Variants in FAM81A observed in about 807,000 individuals in gnomAD.
The protein encoded by FAM81A is family with sequence similarity 81 member A.
A neutral mutation model predicts 46.7 loss-of-function variants in FAM81A; 19 were observed. The observed-to-expected ratio is 0.41, with a 90% confidence interval of 0.28 to 0.60. FAM81A has a LOEUF of 0.60. Ranked by LOEUF, FAM81A falls within the 20% of genes least tolerant of loss-of-function variation. The pLI, the probability that FAM81A is intolerant of heterozygous loss-of-function variation, is 0.34. For missense variants in FAM81A, 377 were observed against 453.5 expected (o/e 0.83, Z 1.53); for synonymous variants, 183 against 152.9 (o/e 1.20, Z -1.45).
intron 2 of FAM81A, among the ~76,000 whole-genome samples, chr15:59,408,673 A>C (rs2081107167): frequency 6.6e-6 from 1 of 152,098 alleles, no homozygotes; most frequent in Admixed American, 6.6e-5. Context: ...CTAAAAATAC[A>C]AAAAAATGAG....
At chr15:59,408,642 C>A (rs1376205812) in intron 2 of FAM81A, among the ~76,000 whole-genome samples, 1 of 152,130 alleles carries the variant, frequency 6.6e-6, no homozygotes, top group Non-Finnish European at 1.5e-5. Flanking sequence ...TCCTGGCTAA[C>A]ACAGTGAAAA....
At chr15:59,466,684 T>C (rs1255161234) in intron 3 of FAM81A, among the ~76,000 whole-genome samples, 1 of 152,250 alleles carries the variant, frequency 6.6e-6, no homozygotes, top group Non-Finnish European at 1.5e-5. Flanking sequence ...GTAGTTTCTT[T>C]TGCTGTGCAG....
intron 1 of FAM81A, among the ~76,000 whole-genome samples, chr15:59,399,748 A>T (rs573978571): frequency 6.6e-6 from 1 of 152,202 alleles, no homozygotes; most frequent in African/African-American, 2.4e-5. Flanking sequence ...TTCTCAGGTA[A>T]TGTTCCCAGA....
At chr15:59,488,779 C>G (rs2081949369) in intron 3 of FAM81A, among the ~76,000 whole-genome samples, 1 of 150,144 alleles carries the variant, frequency 6.7e-6, no homozygotes, top group Non-Finnish European at 1.5e-5. Flanking sequence ...GAATTTGAGA[C>G]CAGCCTGGGT....
At chr15:59,406,892 T>C (rs1403449297) in intron 2 of FAM81A, 1 of 152,108 alleles carries the variant, frequency 6.6e-6, no homozygotes, top group Admixed American at 6.6e-5. Context: ...AAAGTTTTTT[T>C]TTTTTTTTTT....
intron 2 of FAM81A, among the ~76,000 whole-genome samples, chr15:59,431,911 C>T (rs1173642200): frequency 5.3e-5 from 8 of 152,196 alleles, no homozygotes; most frequent in Non-Finnish European, 2.9e-5. Context: ...GCAACCCTTT[C>T]ACATTGCCTT....
intron 2 of FAM81A, among the ~76,000 whole-genome samples, chr15:59,423,121 G>A (rs760149611): frequency 2.6e-5 from 4 of 151,810 alleles, no homozygotes; most frequent in Non-Finnish European, 4.4e-5. Context: ...TTTTTAAGAC[G>A]GAGTCTCGCA....
intron 3 of FAM81A, among the ~76,000 whole-genome samples, chr15:59,490,551 G>T (rs2081969794): frequency 6.6e-6 from 1 of 152,156 alleles, no homozygotes; most frequent in African/African-American, 2.4e-5. Context: ...TGAGATATTG[G>T]CTGAGTGCAG....
intron 2 of FAM81A, among the ~76,000 whole-genome samples, chr15:59,430,316 G>A (rs2081214393): frequency 7.5e-6 from 1 of 134,200 alleles, no homozygotes; most frequent in East Asian, 2.3e-4. Flanking sequence ...CCAAGCTGGA[G>A]TGCAGTGGTA....
intron 2 of FAM81A, among the ~76,000 whole-genome samples, chr15:59,412,110 G>A (rs989336236): frequency 7.9e-5 from 12 of 152,148 alleles, no homozygotes; most frequent in Admixed American, 2.0e-4. Context: ...TTCGATTTTG[G>A]GGGCTGTTGG....
At chr15:59,488,011 A>G (rs1172467847) in intron 3 of FAM81A, among the ~76,000 whole-genome samples, 3 of 152,222 alleles carry the variant, frequency 2.0e-5, no homozygotes, top group African/African-American at 7.2e-5. Flanking sequence ...CACTGATGCA[A>G]AAACCCTCAA....
chr15:59,429,139 C>T (rs1386497279), intron 2 of FAM81A, among the ~76,000 whole-genome samples: 1 of 152,182 alleles, frequency 6.6e-6, no homozygotes, highest in Non-Finnish European at 1.5e-5. Flanking sequence ...ACTATTCTTT[C>T]TTCAACTGCT....
intron 3 of FAM81A, among the ~76,000 whole-genome samples, chr15:59,462,091 T>C (rs1476050910): frequency 6.6e-6 from 1 of 151,636 alleles, no homozygotes; most frequent in Admixed American, 6.6e-5. Context: ...TAGTCCCAGC[T>C]ACTCGGGAGG....
intron 1 of FAM81A, among the ~76,000 whole-genome samples, chr15:59,449,272 A>G (rs1567047728): frequency 6.6e-6 from 1 of 152,098 alleles, no homozygotes; most frequent in Non-Finnish European, 1.5e-5. Flanking sequence ...AGTGGGGGCA[A>G]GAAGAAGTAA....
intron 2 of FAM81A, among the ~76,000 whole-genome samples, chr15:59,409,844 C>T (rs1567036291): frequency 6.6e-6 from 1 of 151,988 alleles, no homozygotes; most frequent in African/African-American, 2.4e-5. Flanking sequence ...TGTTATAGAA[C>T]AGAAATTATG....
rs149164530 is a variant in FAM81A at position 59,460,408 on chromosome 15, T to C, written c.294+202T>C. On this transcript the variant is annotated intron_variant, in intron 3 of 8. Transcript: ENST00000288228. The surrounding 1 kb of genome is among the most constrained non-coding windows in gnomAD (Gnocchi z 4.4). ...AATTTATTCCAGTGTTTGATAACAG[T>C]TACTGTTAGTGTTATGTTTAATCTA... 1.0e-4 allele frequency: 74 copies of C among 726,424 alleles called. No individual in the cohort carries two copies. The East Asian group carries it at 1.9e-3, about 19-fold the overall frequency. The allele number at this position is 726,424 out of a possible 1,614,324, so 45.0% of individuals were successfully genotyped here.
intron 1 of FAM81A, among the ~76,000 whole-genome samples, chr15:59,398,635 G>T (rs1399997714): frequency 6.6e-6 from 1 of 151,832 alleles, no homozygotes; most frequent in Admixed American, 6.6e-5. Context: ...GCACATGCCT[G>T]TAGTCCCAGC....
intron 4 of FAM81A, among the ~76,000 whole-genome samples, chr15:59,498,963 C>T (rs2082062593): frequency 6.6e-6 from 1 of 152,124 alleles, no homozygotes; most frequent in Admixed American, 6.5e-5. Flanking sequence ...GCCACCGCAC[C>T]CAGCCCAAAT....
At chr15:59,402,043 G>A in intron 1 of FAM81A, 1 of 554,972 alleles carries the variant, frequency 1.8e-6, no homozygotes, top group Non-Finnish European at 3.2e-6. Context: ...CCCCTGGGGT[G>A]CGAAAAACGC....
Sources: allele counts gnomAD v4.1 joint callset (sites outside exome capture counted in the v4.1 genomes callset), GRCh38; gene constraint gnomAD v4.1.1; non-coding constraint Gnocchi (gnomAD v3.1); transcripts MANE v1.5; gene names NCBI Gene and HGNC (gene_info 2026-07-23, HGNC 2026-07-21).